Variants in MAD1L1 observed in about 807,000 individuals in gnomAD.
MAD1L1 encodes the protein mitotic arrest deficient 1 like 1.
MAD1L1 carries 95 observed loss-of-function variants against 96.9 expected under a neutral mutation model. That is an observed-to-expected ratio of 0.98 (90% CI 0.83 to 1.16). The LOEUF (loss-of-function observed/expected upper bound fraction) is 1.16. Among genes scored for constraint, MAD1L1 ranks in the 50% most tolerant of loss-of-function variants. MAD1L1 has a pLI of 0.00. For synonymous variants in MAD1L1, 473 were observed against 396.6 expected, an observed-to-expected ratio of 1.19 and a Z score of -2.29; for missense variants, 1,007 against 954.4, an observed-to-expected ratio of 1.06 and a Z score of -0.73.
At chr7:2,139,238 C>A (rs548023129) in intron 11 of MAD1L1, among the ~76,000 whole-genome samples, 1 of 152,062 alleles carries the variant, frequency 6.6e-6, no homozygotes, top group South Asian at 2.1e-4. Context: ...CACGGCCCGA[C>A]CCCCTGAGCC....
At chr7:1,869,168 G>T (rs1308728326) in intron 18 of MAD1L1, among the ~76,000 whole-genome samples, 1 of 152,264 alleles carries the variant, frequency 6.6e-6, no homozygotes, top group East Asian at 1.9e-4. Context: ...GCATGGGGCG[G>T]GGTTGGGTCT....
intron 18 of MAD1L1, among the ~76,000 whole-genome samples, chr7:1,893,396 T>C (rs976970582): frequency 2.0e-5 from 3 of 152,232 alleles, no homozygotes; most frequent in Admixed American, 6.5e-5. Flanking sequence ...CGGCTATTTC[T>C]AACTCTGTCT....
intron 17 of MAD1L1, among the ~76,000 whole-genome samples, chr7:1,914,461 C>T (rs900764874): frequency 9.9e-5 from 15 of 152,212 alleles, no homozygotes; most frequent in Non-Finnish European, 1.6e-4. Flanking sequence ...GAGGAAAGGC[C>T]GTGTGCCAAG....
intron 17 of MAD1L1, among the ~76,000 whole-genome samples, chr7:1,908,235 T>C (rs1787797105): frequency 6.6e-6 from 1 of 152,208 alleles, no homozygotes; most frequent in South Asian, 2.1e-4. Context: ...CTCGCGATCA[T>C]ACCCTTCAGC....
At chr7:1,954,832 C>G (rs918450401) in intron 16 of MAD1L1, among the ~76,000 whole-genome samples, 4 of 152,206 alleles carry the variant, frequency 2.6e-5, no homozygotes, top group African/African-American at 4.8e-5. Flanking sequence ...CTCCCACCCC[C>G]ACCACGGGAT....
intron 18 of MAD1L1, among the ~76,000 whole-genome samples, chr7:1,822,442 A>ATATATAT (rs768089526): frequency 0.02 from 2,773 of 140,534 alleles, 35 homozygotes; most frequent in East Asian, 0.027. Flanking sequence ...ATATATATAT[A>ATATATAT]TTTTTTTTTT....
chr7:1,901,304 G>C (rs1787229301), intron 17 of MAD1L1, among the ~76,000 whole-genome samples: 3 of 152,228 alleles, frequency 2.0e-5, no homozygotes, highest in African/African-American at 7.2e-5. Context: ...AAATGTCATT[G>C]CTTTCTTGTC....
intron 13 of MAD1L1, among the ~76,000 whole-genome samples, chr7:2,009,469 T>TAAA (rs1300605308): frequency 6.6e-6 from 1 of 152,186 alleles, no homozygotes; most frequent in African/African-American, 2.4e-5. Context: ...TCCACCTTCC[T>TAAA]GGCCAGGTCT....
At chr7:2,010,407 G>A (rs186937068) in intron 13 of MAD1L1, among the ~76,000 whole-genome samples, 3 of 152,256 alleles carry the variant, frequency 2.0e-5, no homozygotes, top group East Asian at 1.9e-4. Flanking sequence ...ACCTCCACAC[G>A]GCCAGCAGCG....
intron 15 of MAD1L1, among the ~76,000 whole-genome samples, chr7:1,969,899 C>T (rs1223277893): frequency 6.6e-6 from 1 of 152,204 alleles, no homozygotes; most frequent in African/African-American, 2.4e-5. Flanking sequence ...CCATCTGTGT[C>T]AGGGAGAAGA....
At chr7:1,891,111 C>T (rs545814768) in intron 18 of MAD1L1, among the ~76,000 whole-genome samples, 10 of 152,184 alleles carry the variant, frequency 6.6e-5, no homozygotes, top group Non-Finnish European at 1.0e-4. Flanking sequence ...AGCGACACCC[C>T]GGGCCAGCAC....
rs561742076 is a variant in MAD1L1, at chr7:2,040,663, C to G, written c.1219-26021G>C. Among the ~76,000 whole-genome samples, 13 of 152,290 alleles carry G rather than the reference C, an allele frequency of 8.5e-5. No individual in the cohort carries two copies. The South Asian group carries it at 2.7e-3, about 32-fold the overall frequency. ...GGAGCGTCGGCATTTTGGGGATGTG[C>G]TTCCTTAGCTCCAAGTCTGGGATGA... On this transcript the variant is annotated intron_variant, in intron 12 of 18. Coordinates refer to ENST00000265854, the MANE Select transcript of MAD1L1 (RefSeq NM_001013836.2).
chr7:1,856,507 T>A (rs1277532150), intron 18 of MAD1L1, among the ~76,000 whole-genome samples: 1 of 152,228 alleles, frequency 6.6e-6, no homozygotes, highest in Non-Finnish European at 1.5e-5. Flanking sequence ...TGTCGGCTAA[T>A]CTGCTGGCTA....
Position 2,114,016 on chromosome 7 carries a change from G to C in MAD1L1, c.1073+35136C>G, listed in dbSNP as rs1012559969. ...TGGCACAGAAAAAGGAGCTCAGTGGGAGAGCCGGCAAGACCTGAACGCAGT... is the reference window on the plus strand; with the variant it reads ...TGGCACAGAAAAAGGAGCTCAGTGGCAGAGCCGGCAAGACCTGAACGCAGT... On this transcript the variant is annotated intron_variant, in intron 11 of 18. Transcript: ENST00000265854. This position sits in a 1 kb window ranked among gnomAD's most constrained non-coding sequence, Gnocchi z 4.2. Among the ~76,000 whole-genome samples, 2 of 152,188 alleles carry C rather than the reference G, an allele frequency of 1.3e-5. No individual in the cohort carries two copies. The highest frequency in any genetic ancestry group is 2.9e-5 in the Non-Finnish European group (2 of 68,034).
intron 11 of MAD1L1, among the ~76,000 whole-genome samples, chr7:2,130,389 G>C (rs1209926995): frequency 1.3e-5 from 2 of 152,202 alleles, no homozygotes; most frequent in African/African-American, 4.8e-5. Flanking sequence ...TTCCCCAGGG[G>C]CACACCAGAT....
intron 12 of MAD1L1, among the ~76,000 whole-genome samples, chr7:2,033,940 T>G (rs1783348642): frequency 6.6e-6 from 1 of 152,160 alleles, no homozygotes; most frequent in Middle Eastern, 3.2e-3. Flanking sequence ...AAAAAATTTT[T>G]TTTTAATTAG....
At chr7:2,216,741 G>A (rs1793304624) in intron 7 of MAD1L1, among the ~76,000 whole-genome samples, 1 of 152,094 alleles carries the variant, frequency 6.6e-6, no homozygotes, top group South Asian at 2.1e-4. Flanking sequence ...TCATTTTGCT[G>A]TGAACCTAAA....
intron 5 of MAD1L1, among the ~76,000 whole-genome samples, chr7:2,220,336 G>A (rs1029057291): frequency 7.9e-5 from 12 of 152,276 alleles, no homozygotes; most frequent in Middle Eastern, 3.4e-3. Flanking sequence ...CGACAGAACC[G>A]CCAGGCTTCC....
At chr7:1,967,840 C>G (rs1192589641) in intron 15 of MAD1L1, among the ~76,000 whole-genome samples, 1 of 148,504 alleles carries the variant, frequency 6.7e-6, no homozygotes. Context: ...CAAACACCCT[C>G]CAGTCCACAC....
Sources: allele counts gnomAD v4.1 joint callset (sites outside exome capture counted in the v4.1 genomes callset), GRCh38; gene constraint gnomAD v4.1.1; non-coding constraint Gnocchi (gnomAD v3.1); transcripts MANE v1.5; gene names NCBI Gene and HGNC (gene_info 2026-07-23, HGNC 2026-07-21).